Variants in CLVS1 observed in about 807,000 individuals in gnomAD.
CLVS1 encodes clavesin 1, also known as clavesin-1.
In CLVS1, 10 loss-of-function variants were observed where a neutral mutation model predicts 33.1. That is an observed-to-expected ratio of 0.30 (90% CI 0.19 to 0.51). The LOEUF is 0.51. Ranked by LOEUF, CLVS1 falls within the 20% of genes least tolerant of loss-of-function variation. The probability of loss-of-function intolerance (pLI) is 0.97; values close to 1 mark genes in which losing one functional copy is unlikely to be tolerated. For synonymous variants in CLVS1, 163 were observed against 166.1 expected (o/e 0.98, Z 0.14); for missense variants, 343 against 433.4 (o/e 0.79, Z 1.85).
intron 1 of CLVS1, among the ~76,000 whole-genome samples, chr8:61,105,088 C>T (rs780873545): frequency 2.0e-5 from 3 of 152,170 alleles, no homozygotes; most frequent in Non-Finnish European, 4.4e-5. Flanking sequence ...CCTCACCCTC[C>T]CAAAGTGCTG....
chr8:61,120,786 G>C (rs865994587), intron 1 of CLVS1, among the ~76,000 whole-genome samples: 90 of 146,578 alleles, frequency 6.1e-4, no homozygotes, highest in African/African-American at 8.2e-4. Flanking sequence ...AGCTGTCAGA[G>C]AGGGACATTT....
chr8:61,046,870 C>A, the CLVS1 span, among the ~76,000 whole-genome samples: 1 of 152,038 alleles, frequency 6.6e-6, no homozygotes, highest in East Asian at 1.9e-4. Context: ...AGTTGCTTAT[C>A]AGCTTAAGGA....
intron 2 of CLVS1, among the ~76,000 whole-genome samples, chr8:61,156,974 C>T (rs1473169300): frequency 2.0e-5 from 3 of 152,130 alleles, no homozygotes; most frequent in African/African-American, 7.2e-5. Context: ...CTACGAAGCA[C>T]CTTGGGCAAT....
intron 2 of CLVS1, among the ~76,000 whole-genome samples, chr8:61,320,956 A>G (rs561443458): frequency 2.2e-4 from 34 of 152,110 alleles, no homozygotes; most frequent in Non-Finnish European, 4.3e-4. Context: ...TTTGTTTTCT[A>G]TTAACTTAAA....
the CLVS1 span, among the ~76,000 whole-genome samples, chr8:60,970,439 T>C: frequency 6.6e-6 from 1 of 152,254 alleles, no homozygotes; most frequent in Non-Finnish European, 1.5e-5. Context: ...CTTTGTTTTA[T>C]GAAACATGTT....
intron 3 of CLVS1, 92 bp from the exon 4 acceptor site, chr8:61,454,049 A>G (rs1817060150): frequency 1.2e-6 from 1 of 857,110 alleles, no homozygotes; most frequent in Admixed American, 1.8e-5. Flanking sequence ...CAGGCAGGAA[A>G]AACAGGTTGT....
chr8:61,196,319 T>C (rs183217573), intron 2 of CLVS1, among the ~76,000 whole-genome samples: 2 of 152,284 alleles, frequency 1.3e-5, no homozygotes, highest in African/African-American at 4.8e-5. Context: ...TAGGGTGTTG[T>C]GATACAGATT....
At chr8:61,030,579 G>T in the CLVS1 span, among the ~76,000 whole-genome samples, 5 of 152,212 alleles carry the variant, frequency 3.3e-5, 1 homozygote, top group South Asian at 1.0e-3. Flanking sequence ...TCTATTAATA[G>T]ATGATTGTGA....
chr8:61,258,141 CT>C (rs1563466264), intron 2 of CLVS1, among the ~76,000 whole-genome samples: 1 of 152,098 alleles, frequency 6.6e-6, no homozygotes, highest in Non-Finnish European at 1.5e-5. Context: ...ACGCTCTTGC[CT>C]TTTTTAATTT....
chr8:61,227,049 C>T (rs1443290487), intron 2 of CLVS1, among the ~76,000 whole-genome samples: 2 of 137,346 alleles, frequency 1.5e-5, no homozygotes, highest in Non-Finnish European at 3.0e-5. Context: ...AACATTATAT[C>T]GAGGGCTGAT....
At chr8:61,232,301 G>T (rs1295574560) in intron 2 of CLVS1, among the ~76,000 whole-genome samples, 1 of 152,026 alleles carries the variant, frequency 6.6e-6, no homozygotes, top group Non-Finnish European at 1.5e-5. Flanking sequence ...CTCCCAAAGT[G>T]CTGGTATTAC....
intron 2 of CLVS1, among the ~76,000 whole-genome samples, chr8:61,350,943 G>A (rs150436011): frequency 1.7e-3 from 262 of 152,214 alleles, no homozygotes; most frequent in African/African-American, 5.9e-3. Flanking sequence ...GTGTATGGAA[G>A]GTTGGTGAGG....
chr8:61,367,275 T>A (rs1236581792), intron 2 of CLVS1, among the ~76,000 whole-genome samples: 1 of 152,204 alleles, frequency 6.6e-6, no homozygotes, highest in Non-Finnish European at 1.5e-5. Context: ...CCAAGCAGAA[T>A]GAGATGAATC....
intron 3 of CLVS1, among the ~76,000 whole-genome samples, chr8:61,411,923 C>G (rs1815242801): frequency 6.6e-6 from 1 of 152,202 alleles, no homozygotes; most frequent in Admixed American, 6.5e-5. Flanking sequence ...CACCCTCATC[C>G]CTTCCTATAA....
At chr8:61,123,051 C>T (rs1197554766) in intron 1 of CLVS1, among the ~76,000 whole-genome samples, 5 of 143,436 alleles carry the variant, frequency 3.5e-5, no homozygotes, top group Middle Eastern at 3.4e-3. Flanking sequence ...AGGTGGATCA[C>T]CTGAGGTCGG....
In CLVS1 at chr8:61,500,614, C is replaced by T. The variant is rs1263575967; in HGVS notation, c.*1072C>T. 6.7e-6 allele frequency: 1 copy of T among 148,320 alleles called. No individual in the cohort carries two copies. The highest frequency in any genetic ancestry group is 2.6e-5 in the African/African-American group (1 of 38,832). 9.2% of individuals were successfully genotyped at this position (148,320 alleles called of 1,614,324 possible). The stretch of plus-strand genomic sequence containing the variant: ...TCCTTAGAAATGGAGTCCCCAACTA[C>T]TCATTCAAAAGAAATCAGACATAAA... On this transcript the variant is annotated 3_prime_UTR_variant, in exon 6 of 6. Transcript: ENST00000325897.
At chr8:60,981,138 T>C in the CLVS1 span, among the ~76,000 whole-genome samples, 1 of 152,132 alleles carries the variant, frequency 6.6e-6, no homozygotes. Flanking sequence ...AGCCACCAAG[T>C]TTGTAGTAAT....
chr8:61,192,852 T>C (rs564798269), intron 2 of CLVS1, among the ~76,000 whole-genome samples: 68 of 136,696 alleles, frequency 5.0e-4, no homozygotes, highest in Middle Eastern at 4.0e-3. Flanking sequence ...ATGGCGATCA[T>C]TAAAAAGTCA....
intron 2 of CLVS1, among the ~76,000 whole-genome samples, chr8:61,315,007 A>G (rs562949582): frequency 5.3e-5 from 8 of 152,284 alleles, no homozygotes; most frequent in South Asian, 2.1e-4. Flanking sequence ...GTTGTGCCCA[A>G]TGGACCAGCA....
Sources: gnomAD v4.1 joint callset for allele counts (sites outside exome capture counted in the v4.1 genomes callset) on GRCh38, gnomAD v4.1.1 for gene constraint, MANE v1.5 for transcripts, NCBI Gene and HGNC (gene_info 2026-07-23, HGNC 2026-07-21) for gene names.